RABL2A: variants seen among roughly 807,000 people sequenced by gnomAD.
RABL2A encodes the protein RAB, member of RAS oncogene family like 2A.
A neutral mutation model predicts 30.7 loss-of-function variants in RABL2A; 17 were observed. The ratio of observed to expected loss-of-function variants is 0.55; its 90% confidence interval spans 0.38 to 0.83. The LOEUF is 0.83. RABL2A is among the 40% of genes least tolerant of loss of function. RABL2A has a pLI of 0.00. For missense variants in RABL2A, 155 were observed against 272.6 expected, an observed-to-expected ratio of 0.57 and a Z score of 3.04; for synonymous variants, 64 against 101.8, an observed-to-expected ratio of 0.63 and a Z score of 2.24.
rs1682710535 is a variant in RABL2A, at chr2:113,636,333, TAAG to T, written c.297+1208_297+1210del. The stretch of plus-strand genomic sequence containing the variant: ...GGGAATCCATGTCTGAAGTCTCAGC[TAAG>T]AAGACTCCAAGGCTGGGTTCCAGGC... On this transcript the variant is annotated intron_variant, in intron 5 of 8. Transcript: ENST00000683472. Among the ~76,000 whole-genome samples, 8 of 152,048 alleles carry T rather than the reference TAAG, an allele frequency of 5.3e-5. No individual in the cohort carries two copies. In the South Asian group the frequency reaches 1.7e-3, roughly 32 times the overall value.
At chr2:113,628,811 G>A in intron 2 of RABL2A, 98 bp downstream of exon 2, 2 of 955,054 alleles carry the variant, frequency 2.1e-6, no homozygotes, top group South Asian at 1.6e-5. Context: ...TCTTGGGGCT[G>A]GTGAAGGAGC....
chr2:113,642,026 C>A lies in RABL2A; in HGVS notation c.592-5C>A, dbSNP rs753788525. ...GCCAGGCCTCACCTGCGACCTTGTT[C>A]ACAGAACTTCAGCTTGGAGCAGGAA... On this transcript the variant is annotated splice_polypyrimidine_tract_variant and splice_region_variant and intron_variant, in intron 8 of 8. Transcript: ENST00000683472. 5 of 1,611,232 alleles carry A rather than the reference C, an allele frequency of 3.1e-6. No homozygotes were observed. The East Asian group carries it at 1.1e-4, about 36-fold the overall frequency.
chr2:113,630,356 C>T (rs1337655391), intron 2 of RABL2A, among the ~76,000 whole-genome samples: 1 of 152,218 alleles, frequency 6.6e-6, no homozygotes, highest in Non-Finnish European at 1.5e-5. Flanking sequence ...GTATCTCTAA[C>T]CTATGAATCT....
chr2:113,639,206 G>T (rs1243073664), intron 5 of RABL2A, among the ~76,000 whole-genome samples: 1 of 152,070 alleles, frequency 6.6e-6, no homozygotes, highest in East Asian at 1.9e-4. Flanking sequence ...AGGATCACTG[G>T]AGCCCAGGGG....
intron 2 of RABL2A, among the ~76,000 whole-genome samples, chr2:113,630,286 A>T (rs1679827464): frequency 6.6e-6 from 1 of 152,236 alleles, no homozygotes; most frequent in South Asian, 2.1e-4. Context: ...AGGGAAGGTG[A>T]GTGCATGAGA....
intron 4 of RABL2A, 71 bp downstream of exon 4, chr2:113,634,303 A>G: frequency 1.3e-6 from 2 of 1,557,078 alleles, no homozygotes; most frequent in Non-Finnish European, 1.7e-6. Flanking sequence ...GAGGTGAGGC[A>G]AGGTTCATAA....
chr2:113,642,206 A>C lies in RABL2A; in HGVS notation c.*77A>C. The C allele has an allele frequency of 1.3e-6, 2 of 1,488,534 alleles. No homozygotes were observed. Among genetic ancestry groups the C allele is most frequent in the Non-Finnish European group, 1.8e-6 (2 of 1,121,202 alleles). The allele number at this position is 1,488,534 out of a possible 1,614,324, so 92.2% of individuals were successfully genotyped here. On this transcript the variant is annotated 3_prime_UTR_variant, in exon 9 of 9. Coordinates refer to ENST00000683472, the MANE Select transcript of RABL2A (RefSeq NM_001306158.2). ...ACAACTCTCCAGCTCTGAATGGAGA[A>C]ACTCTCTAGGCCATCCCCTCTTCTA...
In RABL2A at chr2:113,634,884, A is replaced by C. The variant is rs1574019818; in HGVS notation, c.218-167A>C. 1.0e-5 allele frequency: 9 copies of C among 860,402 alleles called. No individual in the cohort carries two copies. The East Asian group carries it at 2.4e-4, about 23-fold the overall frequency. 53.3% of individuals were successfully genotyped at this position (860,402 alleles called of 1,614,324 possible). On this transcript the variant is annotated intron_variant, in intron 4 of 8. Coordinates refer to ENST00000683472, the MANE Select transcript of RABL2A (RefSeq NM_001306158.2). ...CACCTCTCACATCACACTCAGGTGC[A>C]CTGTGTCTTGAAGACACACGTGTGG...
intron 3 of RABL2A, 110 bp from the exon 4 acceptor site, chr2:113,634,043 T>C (rs1330265539): frequency 6.9e-7 from 1 of 1,458,160 alleles, no homozygotes; most frequent in Non-Finnish European, 9.3e-7. Context: ...TCTCAATAAC[T>C]CCAAAGAGAA....
chr2:113,634,628 G>A, intron 4 of RABL2A: 1 of 407,254 alleles, frequency 2.5e-6, no homozygotes, highest in African/African-American at 2.0e-5. Context: ...ACATCGGGCT[G>A]CGACCTTCCA....
In RABL2A at chr2:113,641,425, C is replaced by T. The variant is rs762543699; in HGVS notation, c.482C>T (p.Ala161Val). ...KFSLPLYFVSAADGTNVVKLF... is the reference protein window; with the variant it reads ...KFSLPLYFVSVADGTNVVKLF... Reference sequence around the variant, plus strand: ...TCCCTGCCCCTGTATTTCGTCTCGGCTGCTGATGGTACCAATGTTGTGAAG... The same window carrying T: ...TCCCTGCCCCTGTATTTCGTCTCGGTTGCTGATGGTACCAATGTTGTGAAG... The change falls in exon 7 of 9, where the codon GCT (alanine) becomes GTT (valine). Residue 161 changes from alanine to valine, a missense_variant. Physicochemically the swap from Ala to Val is moderately conservative, Grantham distance 64. This residue lies in a region of RABL2A where 33 missense variants were observed against 30.7 expected (regional missense o/e 1.08). Transcript: ENST00000683472. 1.2e-6 allele frequency: 2 copies of T among 1,612,108 alleles called. No homozygotes were observed. The highest frequency in any genetic ancestry group is 1.1e-5 in the South Asian group (1 of 91,014).
chr2:113,634,694 G>A (rs145520455), intron 4 of RABL2A: 7,459 of 428,050 alleles, frequency 0.017, 388 homozygotes, highest in East Asian at 0.12. Context: ...TCTGTCTACC[G>A]TCTGTGGTCA....
Position 113,641,440 on chromosome 2 carries a change from A to G in RABL2A, c.497A>G (p.Asn166Ser), listed in dbSNP as rs766165582. The change falls in exon 7 of 9, where the codon AAT becomes AGT. Residue 166 changes from asparagine to serine, a missense_variant. By Grantham distance (46) the Asn-to-Ser change is conservative. Coordinates refer to ENST00000683472, the MANE Select transcript of RABL2A (RefSeq NM_001306158.2). ...TTCGTCTCGGCTGCTGATGGTACCA[A>G]TGTTGTGAAGGTGTGGTTGACTGCA... ...LYFVSAADGTNVVKLFNDAIR... is the reference protein window; with the variant it reads ...LYFVSAADGTSVVKLFNDAIR... The G allele has an allele frequency of 2.5e-6, 4 of 1,611,588 alleles. No individual in the cohort carries two copies. Among genetic ancestry groups the G allele is most frequent in the Non-Finnish European group, 3.4e-6 (4 of 1,179,224 alleles).
At chr2:113,636,474 C>G (rs1161372652) in intron 5 of RABL2A, among the ~76,000 whole-genome samples, 3 of 152,238 alleles carry the variant, frequency 2.0e-5, no homozygotes. Context: ...TTTGGGTTTG[C>G]TCACAGAGTA....
chr2:113,640,023 T>C (rs1309299977), intron 5 of RABL2A: 6 of 151,738 alleles, frequency 4.0e-5, no homozygotes, highest in African/African-American at 1.4e-4. Flanking sequence ...TAAAAATTAA[T>C]GCGTGCGTGC....
rs1285011601 is a variant in RABL2A at position 113,642,044 on chromosome 2, A to G, written c.605A>G (p.Glu202Gly). The change falls in exon 9 of 9, where the codon GAG becomes GGG. Residue 202 changes from glutamate (E) to glycine (G), a missense_variant. Transcript: ENST00000683472. ...CCTTGTTCACAGAACTTCAGCTTGG[A>G]GCAGGAAGAGGAGGACGTGCCAGAC... ...IFQELENFSLEQEEEDVPDQE... is the reference protein window; with the variant it reads ...IFQELENFSLGQEEEDVPDQE... 5 of 1,612,368 alleles carry G rather than the reference A, an allele frequency of 3.1e-6. No individual in the cohort carries two copies. Among genetic ancestry groups the G allele is most frequent in the Non-Finnish European group, 2.5e-6 (3 of 1,179,628 alleles).
At chr2:113,633,873 T>G (rs1473524433) in intron 3 of RABL2A, 1 of 495,454 alleles carries the variant, frequency 2.0e-6, no homozygotes, top group East Asian at 4.2e-5. Context: ...GCATGATGCC[T>G]TTTATGACAC....
intron 2 of RABL2A, among the ~76,000 whole-genome samples, chr2:113,629,059 G>T (rs1679229436): frequency 6.6e-6 from 1 of 151,214 alleles, no homozygotes; most frequent in Non-Finnish European, 1.5e-5. Context: ...GACAGATTGG[G>T]TAAAGGTGGT....
chr2:113,639,062 C>T (rs887512855), intron 5 of RABL2A, among the ~76,000 whole-genome samples: 10 of 151,958 alleles, frequency 6.6e-5, no homozygotes, highest in African/African-American at 2.2e-4. Flanking sequence ...GCAGGAGGAT[C>T]ACTTGAGCCC....
Sources: allele counts gnomAD v4.1 joint callset (sites outside exome capture counted in the v4.1 genomes callset), GRCh38; gene constraint gnomAD v4.1.1; regional missense constraint gnomAD v4.1.1; transcripts MANE v1.5; gene names NCBI Gene and HGNC (gene_info 2026-07-23, HGNC 2026-07-21).